NAA16: variants seen among roughly 807,000 people sequenced by gnomAD.
NAA16 encodes N-alpha-acetyltransferase 16, NatA auxiliary subunit.
In NAA16, 97 loss-of-function variants were observed where a neutral mutation model predicts 110.3. The observed-to-expected ratio is 0.88, with a 90% CI of 0.75 to 1.04. NAA16 has a LOEUF of 1.04. Among genes scored for constraint, NAA16 ranks in the 50% least tolerant of loss-of-function variants. The probability of loss-of-function intolerance (pLI) is 0.00; values close to 1 mark genes in which losing one functional copy is unlikely to be tolerated. For synonymous variants in NAA16, 372 were observed against 330.6 expected (o/e 1.13, Z -1.36); for missense variants, 1,017 against 1,005.1 (o/e 1.01, Z -0.16).
intron 1 of NAA16, among the ~76,000 whole-genome samples, chr13:41,315,826 G>A (rs1228652944): frequency 6.6e-6 from 1 of 152,078 alleles, no homozygotes; most frequent in Non-Finnish European, 1.5e-5. Context: ...GCTGAGTGCA[G>A]TGGCACAGTC....
rs755100848 is a variant in NAA16, at chr13:41,372,279, A to T, written c.2024A>T (p.His675Leu). The T allele has an allele frequency of 6.3e-7, 1 of 1,597,566 alleles. No homozygotes were observed. The highest frequency in any genetic ancestry group is 1.8e-5 in the Admixed American group (1 of 56,808). Reference sequence around the variant, plus strand: ...CTTGTTGCTGATAACATTGACACTCATCTGTTAGCATTTGAAATATATTTT... The same window carrying T: ...CTTGTTGCTGATAACATTGACACTCTTCTGTTAGCATTTGAAATATATTTT... ...KNLVADNIDT[H>L]LLAFEIYFRK... is the part of the protein sequence containing the mutation. Residue 675 changes from histidine (H) to leucine (L), a missense_variant, in exon 16 of 20, where the codon CAT (histidine) becomes CTT (leucine). Coordinates refer to ENST00000379406, the MANE Select transcript of NAA16 (RefSeq NM_024561.5).
At chr13:41,322,248 G>A (rs565615898) in intron 4 of NAA16, among the ~76,000 whole-genome samples, 53 of 152,244 alleles carry the variant, frequency 3.5e-4, no homozygotes, top group African/African-American at 1.2e-3. Flanking sequence ...TGGTGAAAGT[G>A]TGAAGGACCC....
chr13:41,314,018 G>T (rs997514617), intron 1 of NAA16, among the ~76,000 whole-genome samples: 1 of 152,072 alleles, frequency 6.6e-6, no homozygotes, highest in Non-Finnish European at 1.5e-5. Context: ...GTCTTTACCC[G>T]AGTACTTGGA....
At chr13:41,366,082 TAAAA>T (rs74840182) in intron 13 of NAA16, among the ~76,000 whole-genome samples, 1 of 151,502 alleles carries the variant, frequency 6.6e-6, no homozygotes, top group African/African-American at 2.4e-5. Flanking sequence ...TCCTTTGATT[TAAAA>T]AAAAAGTTCA....
At chr13:41,353,113 T>TCAAAACAAAATAAAACAAAAAAAA (rs112150240) in intron 9 of NAA16, among the ~76,000 whole-genome samples, 1 of 150,416 alleles carries the variant, frequency 6.6e-6, no homozygotes. Flanking sequence ...AGACTCCATC[T>TCAAAACAAAATAAAACAAAAAAAA]CAAAACAAAA....
At chr13:41,340,780 C>T (rs1182220797) in intron 9 of NAA16, among the ~76,000 whole-genome samples, 2 of 148,724 alleles carry the variant, frequency 1.3e-5, no homozygotes, top group Non-Finnish European at 3.0e-5. Context: ...GGGTTCACGC[C>T]ATTCTCCTGC....
chr13:41,331,587 GC>G (rs767634707), intron 8 of NAA16, among the ~76,000 whole-genome samples: 2 of 151,956 alleles, frequency 1.3e-5, no homozygotes, highest in Non-Finnish European at 2.9e-5. Context: ...ATATAAAACT[GC>G]TTTTCTTAAG....
intron 4 of NAA16, among the ~76,000 whole-genome samples, chr13:41,321,635 T>C (rs2041948766): frequency 6.6e-6 from 1 of 152,224 alleles, no homozygotes; most frequent in Non-Finnish European, 1.5e-5. Flanking sequence ...TTTAAAAACG[T>C]GAGAAGGGTT....
At chr13:41,350,661 C>G (rs1206995018) in intron 9 of NAA16, among the ~76,000 whole-genome samples, 13 of 147,922 alleles carry the variant, frequency 8.8e-5, no homozygotes, top group Non-Finnish European at 1.6e-4. Context: ...ACTCCCGTTG[C>G]CCAGGCTGGA....
chr13:41,361,346 GA>G, intron 12 of NAA16, among the ~76,000 whole-genome samples: 1 of 152,236 alleles, frequency 6.6e-6, no homozygotes, highest in Admixed American at 6.5e-5. Flanking sequence ...GGGACACTGG[GA>G]AACCAAAAAA....
intron 8 of NAA16, among the ~76,000 whole-genome samples, chr13:41,335,579 G>A (rs927867638): frequency 6.6e-6 from 1 of 152,104 alleles, no homozygotes; most frequent in Non-Finnish European, 1.5e-5. Context: ...TGTTGTCTTC[G>A]TAATCTGTGA....
intron 9 of NAA16, among the ~76,000 whole-genome samples, chr13:41,345,381 G>C (rs983688780): frequency 2.6e-5 from 4 of 152,194 alleles, no homozygotes; most frequent in African/African-American, 9.7e-5. Flanking sequence ...ATCATAGTGG[G>C]TGTGAAATGG....
At chr13:41,359,006 C>G (rs746213102) in intron 12 of NAA16, 44 bp downstream of exon 12, 12 of 1,496,892 alleles carry the variant, frequency 8.0e-6, no homozygotes, top group Non-Finnish European at 1.0e-5. Flanking sequence ...TAAATTAAGA[C>G]AGTTTGTGAA....
chr13:41,374,273 A>G (rs2043384355), intron 18 of NAA16, among the ~76,000 whole-genome samples: 1 of 151,426 alleles, frequency 6.6e-6, no homozygotes, highest in Admixed American at 6.6e-5. Context: ...TTGAATATGC[A>G]AACATTTTCC....
intron 1 of NAA16, 50 bp downstream of exon 1, chr13:41,311,632 G>A (rs1318800314): frequency 3.2e-6 from 5 of 1,553,418 alleles, no homozygotes; most frequent in Admixed American, 3.7e-5. Context: ...GGGTCCTCGG[G>A]CCTTAAGGGC....
At chr13:41,365,064 T>C (rs2043183613) in intron 13 of NAA16, among the ~76,000 whole-genome samples, 1 of 152,216 alleles carries the variant, frequency 6.6e-6, no homozygotes. Context: ...GAGCTGTATG[T>C]TAAGATTTGA....
intron 12 of NAA16, among the ~76,000 whole-genome samples, chr13:41,359,469 TTC>T (rs2043066707): frequency 6.6e-6 from 1 of 152,192 alleles, no homozygotes; most frequent in Non-Finnish European, 1.5e-5. Flanking sequence ...CACATAAACT[TTC>T]TGTTATAATA....
intron 9 of NAA16, among the ~76,000 whole-genome samples, chr13:41,344,805 A>G (rs1158482448): frequency 6.6e-6 from 1 of 152,218 alleles, no homozygotes. Context: ...GTATATTCAC[A>G]GAGTTGTGCA....
chr13:41,333,318 A>G (rs550355829), intron 8 of NAA16, among the ~76,000 whole-genome samples: 1 of 152,224 alleles, frequency 6.6e-6, no homozygotes, highest in South Asian at 2.1e-4. Flanking sequence ...AAGTGTGTGC[A>G]ATTCAGTGTT....
Sources: gnomAD v4.1 joint callset for allele counts (sites outside exome capture counted in the v4.1 genomes callset) on GRCh38, gnomAD v4.1.1 for gene constraint, MANE v1.5 for transcripts, NCBI Gene and HGNC (gene_info 2026-07-23, HGNC 2026-07-21) for gene names.